Variants in ZBTB48 observed in about 807,000 individuals in gnomAD.
ZBTB48 encodes zinc finger and BTB domain-containing protein 48.
Under a neutral mutation model 64.5 loss-of-function variants are expected in ZBTB48, and 35 were observed. That is an observed-to-expected ratio of 0.54 (90% CI 0.41 to 0.72). The LOEUF is 0.72. ZBTB48 is among the 30% of genes least tolerant of loss of function. The probability of loss-of-function intolerance (pLI) is 0.00; values close to 1 mark genes in which losing one functional copy is unlikely to be tolerated. For synonymous variants in ZBTB48, 442 were observed against 356.7 expected (o/e 1.24, Z -2.70); for missense variants, 828 against 895.3 (o/e 0.92, Z 0.96).
intron 2 of ZBTB48, among the ~76,000 whole-genome samples, chr1:6,581,663 CAA>C (rs60573708): frequency 2.0e-4 from 25 of 124,812 alleles, no homozygotes; most frequent in Admixed American, 3.2e-4. Context: ...GATCCTGTCT[CAA>C]AAAAAAAAAA....
chr1:6,587,525 G>T lies in ZBTB48; in HGVS notation c.1272G>T (p.Leu424=). 2 of 1,614,126 alleles carry T rather than the reference G, an allele frequency of 1.2e-6. No individual in the cohort carries two copies. The highest frequency in any genetic ancestry group is 1.7e-5 in the Admixed American group (1 of 60,032). ...TCCTGTCTCGGACAGAGCTGCAGCT[G>T]CATGAAGCTTTCAAGCACCGTGGTG... The part of the protein sequence containing the change: ...KCFLSRTELQ[L]HEAFKHRGEK... Residue 424 remains leucine, a synonymous_variant, in exon 7 of 11, where the codon CTG becomes CTT. Coordinates refer to ENST00000377674, the MANE Select transcript of ZBTB48 (RefSeq NM_005341.4).
chr1:6,583,094 G>GA (rs1640529067), intron 3 of ZBTB48, among the ~76,000 whole-genome samples: 1 of 152,190 alleles, frequency 6.6e-6, no homozygotes, highest in African/African-American at 2.4e-5. Flanking sequence ...GGGTTCAAGT[G>GA]ATTCCTCTGC....
intron 3 of ZBTB48, among the ~76,000 whole-genome samples, chr1:6,583,759 C>A (rs1355224640): frequency 6.7e-6 from 1 of 149,862 alleles, no homozygotes; most frequent in Non-Finnish European, 1.5e-5. Flanking sequence ...CACCACTACG[C>A]CCAGCTAATT....
rs113792187 is a variant in ZBTB48 at position 6,580,205 on chromosome 1, C to T, written c.-70+69C>T. 1.5e-5 allele frequency: 3 copies of T among 204,184 alleles called. No individual in the cohort carries two copies. Among genetic ancestry groups the T allele is most frequent in the Non-Finnish European group, 3.0e-5 (3 of 99,412 alleles). The allele number at this position is 204,184 out of a possible 1,614,324, so 12.6% of individuals were successfully genotyped here. ...CGTGGCTGCCTTCCGCTCGGCCGCT[C>T]GGGACCTGTGGGCGCGGCGTGGGCT... On this transcript the variant is annotated intron_variant, in intron 1 of 10. Coordinates refer to ENST00000377674, the MANE Select transcript of ZBTB48 (RefSeq NM_005341.4). The surrounding 1 kb of genome is among the most constrained non-coding windows in gnomAD (Gnocchi z 5.2).
chr1:6,586,273 C>T (rs1640663162), intron 4 of ZBTB48: 1 of 547,772 alleles, frequency 1.8e-6, no homozygotes, highest in East Asian at 3.0e-5. Context: ...TTTCCTAGGC[C>T]CCTGGCCCAC....
At chr1:6,586,475 C>T (rs1159088746) in intron 4 of ZBTB48, 1 of 966,232 alleles carries the variant, frequency 1.0e-6, no homozygotes, top group African/African-American at 1.7e-5. Flanking sequence ...GGACCCTGCC[C>T]CCAGTCTGTC....
Position 6,580,389 on chromosome 1 carries a change from C to T in ZBTB48, c.-69-152C>T, listed in dbSNP as rs1640392276. 6.6e-6 allele frequency among the ~76,000 whole-genome samples: 1 copy of T among 152,160 alleles called. No individual in the cohort carries two copies. The highest frequency in any genetic ancestry group is 1.5e-5 in the Non-Finnish European group (1 of 68,026). On this transcript the variant is annotated intron_variant, in intron 1 of 10. Coordinates refer to ENST00000377674, the MANE Select transcript of ZBTB48 (RefSeq NM_005341.4). This position sits in a 1 kb window ranked among gnomAD's most constrained non-coding sequence, Gnocchi z 5.2. ...CCTGGCCCCCCATCCAGCATCCCCC[C>T]TGGCCAATCCAATATGGCCCCCGGC...
intron 5 of ZBTB48, 99 bp from the exon 6 acceptor site, chr1:6,587,082 GGGGTCCTCCCAGAATCATCTCACC>G (rs1640698849): frequency 9.1e-7 from 1 of 1,095,326 alleles, no homozygotes; most frequent in Non-Finnish European, 1.4e-6. Context: ...CACCAGATCA[GGGGTCCTCCCAGAATCATCTCACC>G]GGGGCCTCCC....
chr1:6,585,514 C>A (rs1003827265), intron 3 of ZBTB48: 7 of 201,906 alleles, frequency 3.5e-5, no homozygotes, highest in African/African-American at 1.6e-4. Context: ...GCTCCCCTGG[C>A]TACCTGGGAG....
Position 6,585,937 on chromosome 1 carries a change from A to C in ZBTB48, c.951A>C (p.Lys317Asn). 6.2e-7 allele frequency: 1 copy of C among 1,614,016 alleles called. No homozygotes were observed. Among genetic ancestry groups the C allele is most frequent in the Non-Finnish European group, 8.5e-7 (1 of 1,179,964 alleles). ...KVHNRKHTGE[K>N]PFECPKCGKC... ...CTGGCAGGAAACATACTGGGGAGAAACCCTTTGAGTGTCCCAAATGTGGGA... is the reference window on the plus strand; with the variant it reads ...CTGGCAGGAAACATACTGGGGAGAACCCCTTTGAGTGTCCCAAATGTGGGA... The change falls in exon 4 of 11, where the codon AAA (lysine) becomes AAC (asparagine). Residue 317 changes from lysine to asparagine, a missense_variant. Coordinates refer to ENST00000377674, the MANE Select transcript of ZBTB48 (RefSeq NM_005341.4).
chr1:6,589,242 C>A lies in ZBTB48; in HGVS notation c.*30C>A, dbSNP rs77070670. 0.012 allele frequency: 18,320 copies of A among 1,489,016 alleles called. 157 individuals carry two copies. The highest frequency in any genetic ancestry group is 0.042 in the African/African-American group (2,963 of 71,386). The allele number at this position is 1,489,016 out of a possible 1,614,324, so 92.2% of individuals were successfully genotyped here. ...TTCTGGCCACCAGAGCCCACTTGGC[C>A]CCACCCCTCAATAAACCGTGTGGCT... On this transcript the variant is annotated 3_prime_UTR_variant, in exon 11 of 11. Transcript: ENST00000377674.
In ZBTB48 at chr1:6,588,151, A is replaced by G; in HGVS notation, c.1471A>G (p.Lys491Glu). 6.2e-7 allele frequency: 1 copy of G among 1,614,132 alleles called. No individual in the cohort carries two copies. The highest frequency in any genetic ancestry group is 8.5e-7 in the Non-Finnish European group (1 of 1,180,026). The part of the protein sequence containing the change: ...NMHLRTHTGE[K>E]PFQCHLCGKT... ...GCACCTGCGCACACACACGGGTGAG[A>G]AGCCCTTCCAGTGCCACCTCTGTGG... is the stretch of plus-strand genomic sequence containing the variant. The change falls in exon 8 of 11, where the codon AAG (lysine) becomes GAG (glutamate). Residue 491 changes from lysine to glutamate, a missense_variant. By Grantham distance (56) the Lys-to-Glu change is moderately conservative. Coordinates refer to ENST00000377674, the MANE Select transcript of ZBTB48 (RefSeq NM_005341.4).
rs1640419497 is a variant in ZBTB48 at position 6,580,847 on chromosome 1, T to G, written c.238T>G (p.Phe80Val). 4.3e-6 allele frequency: 7 copies of G among 1,614,212 alleles called. No homozygotes were observed. Among genetic ancestry groups the G allele is most frequent in the Non-Finnish European group, 5.9e-6 (7 of 1,180,042 alleles). The change falls in exon 2 of 11, where the codon TTC becomes GTC. Residue 80 changes from phenylalanine (F) to valine (V), a missense_variant. Transcript: ENST00000377674. The surrounding 1 kb of genome is among the most constrained non-coding windows in gnomAD (Gnocchi z 5.2). ...AEIFGLLLDF[F>V]YTGHLALTSG... ...GATCTTTGGCCTCTTGTTGGACTTT[T>G]TCTACACTGGTCACCTCGCTCTCAC...
Position 6,587,648 on chromosome 1 carries a change from T to TGA in ZBTB48, c.1379+16_1379+17insGA. ...CCAAGCACAGGTGCGTGTCGCCCGT[T>TGA]CTCTCTTGGGGCCCAGTCCTGCTGC... On this transcript the variant is annotated intron_variant, in intron 7 of 10. Coordinates refer to ENST00000377674, the MANE Select transcript of ZBTB48 (RefSeq NM_005341.4). 1 of 1,611,626 alleles carries TGA rather than the reference T, an allele frequency of 6.2e-7. No homozygotes were observed.
rs563390976 is a variant in ZBTB48, at chr1:6,580,425, C to T, written c.-69-116C>T. 6.3e-6 allele frequency: 4 copies of T among 638,738 alleles called. No homozygotes were observed. The highest frequency in any genetic ancestry group is 5.5e-5 in the African/African-American group (3 of 54,644). 39.6% of individuals were successfully genotyped at this position (638,738 alleles called of 1,614,324 possible). A position where few individuals can be genotyped will look rare whatever the true frequency, so the allele number is the denominator to read the frequency against. The stretch of plus-strand genomic sequence containing the variant: ...AATATGGCCCCCGGCCCCCGGGAGG[C>T]TGTCAGTGTGTTCCAGCCCTCCGCG... On this transcript the variant is annotated intron_variant, in intron 1 of 10. Coordinates refer to ENST00000377674, the MANE Select transcript of ZBTB48 (RefSeq NM_005341.4). The surrounding 1 kb of genome is among the most constrained non-coding windows in gnomAD (Gnocchi z 5.2).
At position 6,588,716 on chromosome 1, in the gene ZBTB48, G is replaced by T. The variant is rs769037500; in HGVS notation, c.1682-40G>T. 1.9e-6 allele frequency: 3 copies of T among 1,613,224 alleles called. No homozygotes were observed. In the Admixed American group the frequency reaches 5.0e-5, roughly 27 times the overall value. On this transcript the variant is annotated intron_variant, in intron 9 of 10. Transcript: ENST00000377674. ...TGCTGGGTTTCCTCGAGGGTCCCGG[G>T]GCTCCTGCATGATCCCCCACGGTGT...
At chr1:6,582,420 G>A in intron 3 of ZBTB48, 121 bp downstream of exon 3, 1 of 1,332,162 alleles carries the variant, frequency 7.5e-7, no homozygotes, top group Non-Finnish European at 1.0e-6. Flanking sequence ...GACCCACATA[G>A]TGTCTGGCCT....
Position 6,589,034 on chromosome 1 carries a change from C to T in ZBTB48, c.1889C>T (p.Pro630Leu), listed in dbSNP as rs372200970. The T allele has an allele frequency of 2.1e-4, 329 of 1,597,254 alleles. No homozygotes were observed. The highest frequency in any genetic ancestry group is 2.7e-4 in the Non-Finnish European group (312 of 1,171,186). ...DEKMVVVALQPPAELEVGSAE... is the reference protein window; with the variant it reads ...DEKMVVVALQLPAELEVGSAE... ...AAGATGGTGGTGGTGGCGCTGCAGC[C>T]GCCTGCAGAGCTGGAGGTGGGCTCG... The change falls in exon 11 of 11, where the codon CCG (proline) becomes CTG (leucine). Residue 630 changes from proline to leucine, a missense_variant. Coordinates refer to ENST00000377674, the MANE Select transcript of ZBTB48 (RefSeq NM_005341.4).
Position 6,580,750 on chromosome 1 carries a change from C to T in ZBTB48, c.141C>T (p.Cys47=). The T allele has an allele frequency of 1.2e-6, 2 of 1,614,244 alleles. No individual in the cohort carries two copies. Among genetic ancestry groups the T allele is most frequent in the Non-Finnish European group, 1.7e-6 (2 of 1,180,048 alleles). The change falls in exon 2 of 11, where the codon TGC becomes TGT. Residue 47 remains cysteine (C), a synonymous_variant. Transcript: ENST00000377674. The surrounding 1 kb of genome is among the most constrained non-coding windows in gnomAD (Gnocchi z 5.2). ...CACACTGGAGTGTCCTTGCCTGCTG[C>T]AGTCACTTTTTCCAGAGCCTCTACG... The part of the protein sequence containing the change: ...FKAHWSVLAC[C]SHFFQSLYGD...
Sources: allele counts gnomAD v4.1 joint callset (sites outside exome capture counted in the v4.1 genomes callset), GRCh38; gene constraint gnomAD v4.1.1; non-coding constraint Gnocchi (gnomAD v3.1); transcripts MANE v1.5; gene names NCBI Gene and HGNC (gene_info 2026-07-23, HGNC 2026-07-21).